ADAM33: variants seen among roughly 807,000 people sequenced by gnomAD.
The protein encoded by ADAM33 is ADAM metallopeptidase domain 33.
Under a neutral mutation model 106.2 loss-of-function variants are expected in ADAM33, and 103 were observed. The observed-to-expected ratio is 0.97, with a 90% confidence interval of 0.83 to 1.14. The LOEUF (loss-of-function observed/expected upper bound fraction) is 1.14, where lower values mean the gene tolerates loss of function less well. ADAM33 is among the 50% of genes most tolerant of loss of function. The pLI is 0.00. For synonymous variants in ADAM33, 483 were observed against 453.0 expected (o/e 1.07, Z -0.84); for missense variants, 1,120 against 1,096.6 (o/e 1.02, Z -0.30).
Position 3,672,791 on chromosome 20 carries a change from G to A in ADAM33, c.1241C>T (p.Pro414Leu), listed in dbSNP as rs750245649. ...GTTCCCGCAGAGCGCCGGCGGCACC[G>A]GGAGTCCGGGGTCCGGGGCATTGGA... ...CLSNAPDPGL[P>L]VPPALCGNGF... Residue 414 changes from proline (P) to leucine (L), a missense_variant, in exon 12 of 22, where the codon CCG (proline) becomes CTG (leucine). Pro to Leu is a moderately conservative substitution (Grantham distance 98). Transcript: ENST00000356518. 1.2e-5 allele frequency: 19 copies of A among 1,571,526 alleles called. No individual in the cohort carries two copies. Among genetic ancestry groups the A allele is most frequent in the Admixed American group, 1.8e-5 (1 of 55,730 alleles).
rs1321728445 is a variant in ADAM33, at chr20:3,672,741, A to T, written c.1291T>A (p.Cys431Ser). The T allele has an allele frequency of 2.6e-6, 4 of 1,565,054 alleles. No homozygotes were observed. The South Asian group carries it at 4.7e-5, about 18-fold the overall frequency. ...GNGFVEAGEE[C>S]DCGPGQECRD... Reference sequence around the variant, plus strand: ...TTAACCTGGCCAGGGCCGCAGTCACACTCCTCGCCCGCTTCCACGAAGCCG... The same window carrying T: ...TTAACCTGGCCAGGGCCGCAGTCACTCTCCTCGCCCGCTTCCACGAAGCCG... Residue 431 changes from cysteine (C) to serine (S), a missense_variant, in exon 12 of 22, where the codon TGT becomes AGT. Cys to Ser is a moderately radical substitution (Grantham distance 112, BLOSUM62 -1). Transcript: ENST00000356518.
At chr20:3,680,340 C>T (rs961323840) in intron 1 of ADAM33, among the ~76,000 whole-genome samples, 2 of 152,234 alleles carry the variant, frequency 1.3e-5, no homozygotes, top group South Asian at 4.1e-4. Context: ...AGCCCTCCTT[C>T]CCCCGGTACC....
chr20:3,673,817 G>A lies in ADAM33; in HGVS notation c.833C>T (p.Thr278Met), dbSNP rs1600222012. Residue 278 changes from threonine to methionine, a missense_variant, in exon 9 of 22, where the codon ACG becomes ATG. Thr to Met is a moderately conservative substitution (Grantham distance 81). Transcript: ENST00000356518. ...RSRVTQDANATLWAFLQWRRG... is the reference protein window; with the variant it reads ...RSRVTQDANAMLWAFLQWRRG... ...GCGCCACTGCAGGAAGGCCCAGAGC[G>A]TGGCGTTGGCGTCCTGCGTGACGCG... The A allele has an allele frequency of 1.9e-6, 3 of 1,550,810 alleles. No individual in the cohort carries two copies. The highest frequency in any genetic ancestry group is 3.9e-5 in the Admixed American group (2 of 51,762).
chr20:3,679,136 C>CTTTTTTTT (rs778392877), intron 2 of ADAM33, among the ~76,000 whole-genome samples: 3 of 78,252 alleles, frequency 3.8e-5, no homozygotes, highest in African/African-American at 4.9e-5. Context: ...CTTTTTGGTG[C>CTTTTTTTT]TTTTTTTTTT....
chr20:3,670,063 T>G, intron 19 of ADAM33: 5 of 290,326 alleles, frequency 1.7e-5, no homozygotes, highest in Non-Finnish European at 3.3e-5. Context: ...GGCCTTGTCA[T>G]TTCCTGTGAT....
intron 19 of ADAM33, chr20:3,669,987 C>T (rs904610264): frequency 5.1e-5 from 23 of 454,130 alleles, no homozygotes; most frequent in East Asian, 2.7e-4. Context: ...CTCTCCTTGC[C>T]CCTGGGTGCC....
At chr20:3,672,110 G>C in intron 14 of ADAM33, 24 bp downstream of exon 14, 3 of 1,604,584 alleles carry the variant, frequency 1.9e-6, no homozygotes, top group Admixed American at 3.4e-5. Context: ...GGGGCAGGGT[G>C]CAAGGGTGCT....
chr20:3,675,172 G>A lies in ADAM33; in HGVS notation c.255-67C>T. On this transcript the variant is annotated intron_variant, in intron 3 of 21. Transcript: ENST00000356518. This position sits in a 1 kb window ranked among gnomAD's most constrained non-coding sequence, Gnocchi z 4.1. ...CCTGCCTCCTCCAGGATGTCTCCCA[G>A]CCTTCCTCCCTAAATGCTAATGGAG... The A allele has an allele frequency of 1.6e-6, 2 of 1,255,602 alleles. No individual in the cohort carries two copies. Among genetic ancestry groups the A allele is most frequent in the South Asian group, 2.6e-5 (2 of 76,278 alleles). The allele number at this position is 1,255,602 out of a possible 1,614,324, so 77.8% of individuals were successfully genotyped here.
intron 2 of ADAM33, 86 bp downstream of exon 2, chr20:3,679,406 C>G: frequency 7.0e-7 from 1 of 1,433,258 alleles, no homozygotes; most frequent in East Asian, 2.5e-5. Flanking sequence ...GGGACCCCAG[C>G]AAAACTAGAA....
rs2087615854 is a variant in ADAM33, at chr20:3,672,578, C to A, written c.1360G>T (p.Gly454Trp). ...CAGTCCCCGTGGGCGCACTGGGCCC[C>A]CGGGCGCAGCGAGCAGTTGTGAGCA... ...CFAHNCSLRPGAQCAHGDCCV... is the reference protein window; with the variant it reads ...CFAHNCSLRPWAQCAHGDCCV... The change falls in exon 13 of 22, where the codon GGG becomes TGG. Residue 454 changes from glycine to tryptophan, a missense_variant. Coordinates refer to ENST00000356518, the MANE Select transcript of ADAM33 (RefSeq NM_025220.5). The A allele has an allele frequency of 6.2e-7, 1 of 1,613,468 alleles. No homozygotes were observed. Among genetic ancestry groups the A allele is most frequent in the South Asian group, 1.1e-5 (1 of 91,076 alleles).
chr20:3,674,457 G>T, intron 6 of ADAM33, 47 bp downstream of exon 6: 1 of 1,605,792 alleles, frequency 6.2e-7, no homozygotes, highest in South Asian at 1.1e-5. Flanking sequence ...TGATTTGGAG[G>T]GCTATAGATA....
At chr20:3,673,995 A>G in intron 8 of ADAM33, 69 bp downstream of exon 8, 2 of 1,609,296 alleles carry the variant, frequency 1.2e-6, no homozygotes, top group Non-Finnish European at 1.7e-6. Context: ...CTCTTCCCCA[A>G]ACCCCACCAG....
In ADAM33 at chr20:3,668,457, A is replaced by T; in HGVS notation, c.*506T>A. The T allele has an allele frequency of 5.8e-6, 1 of 172,592 alleles. No individual in the cohort carries two copies. Among genetic ancestry groups the T allele is most frequent in the South Asian group, 1.5e-4 (1 of 6,662 alleles). 10.7% of individuals were successfully genotyped at this position (172,592 alleles called of 1,614,324 possible). On this transcript the variant is annotated 3_prime_UTR_variant, in exon 22 of 22. Coordinates refer to ENST00000356518, the MANE Select transcript of ADAM33 (RefSeq NM_025220.5). Reference sequence around the variant, plus strand: ...CACCTAGGGGAGAAGACAGGGTGGGAAGAAACAGGAAGGAAGGTCCCCAAA... The same window carrying T: ...CACCTAGGGGAGAAGACAGGGTGGGTAGAAACAGGAAGGAAGGTCCCCAAA...
chr20:3,674,765 G>C lies in ADAM33; in HGVS notation c.410+8C>G. 3.1e-6 allele frequency: 5 copies of C among 1,604,224 alleles called. No homozygotes were observed. The highest frequency in any genetic ancestry group is 3.4e-6 in the Non-Finnish European group (4 of 1,175,022). ...ATCCCAGGCCCAGCCTCCTCTCCCA[G>C]AGCTCACCTCATCCCAGAGCAGGTG... On this transcript the variant is annotated splice_region_variant and intron_variant, in intron 5 of 21. Transcript: ENST00000356518.
Position 3,671,427 on chromosome 20 carries a change from T to C in ADAM33, c.1975A>G (p.Ser659Gly). ...ELQRCLTACHSHGVCNSNHNC... is the reference protein window; with the variant it reads ...ELQRCLTACHGHGVCNSNHNC... ...ACTCCTCGGGCTCTCACCCCGTGGC[T>C]GTGGCAGGCAGTCAGGCAGCGCTGA... The change falls in exon 17 of 22, where the codon AGC becomes GGC. Residue 659 changes from serine (S) to glycine (G), a missense_variant. Physicochemically the swap from Ser to Gly is moderately conservative, Grantham distance 56. Coordinates refer to ENST00000356518, the MANE Select transcript of ADAM33 (RefSeq NM_025220.5). 6.2e-7 allele frequency: 1 copy of C among 1,612,578 alleles called. No homozygotes were observed.
intron 11 of ADAM33, chr20:3,673,107 C>CCGA: frequency 6.9e-7 from 1 of 1,453,810 alleles, no homozygotes; most frequent in Non-Finnish European, 9.0e-7. Context: ...GAATCGCGAC[C>CCGA]CGACGGTGCT....
At chr20:3,676,900 T>C (rs1695471812) in intron 3 of ADAM33, among the ~76,000 whole-genome samples, 167 bp downstream of exon 3, 1 of 152,088 alleles carries the variant, frequency 6.6e-6, no homozygotes, top group African/African-American at 2.4e-5. Flanking sequence ...GCCTCAGCGG[T>C]CCTCTTCAGC....
At position 3,671,500 on chromosome 20, in the gene ADAM33, C is replaced by G; in HGVS notation, c.1906-4G>C. 6.2e-7 allele frequency: 1 copy of G among 1,610,684 alleles called. No homozygotes were observed. Among genetic ancestry groups the G allele is most frequent in the Non-Finnish European group, 8.5e-7 (1 of 1,178,056 alleles). The stretch of plus-strand genomic sequence containing the variant: ...TGCAGCGCCTGCTCTGGCACACCTA[C>G]GGGCAGTGCACCAGGCAGTGAGGGG... On this transcript the variant is annotated splice_polypyrimidine_tract_variant and splice_region_variant and intron_variant, in intron 16 of 21. Transcript: ENST00000356518.
intron 13 of ADAM33, 29 bp from the exon 14 acceptor site, chr20:3,672,358 CAG>C: frequency 1.2e-6 from 2 of 1,606,054 alleles, no homozygotes; most frequent in Non-Finnish European, 1.7e-6. Flanking sequence ...GTGGGGAAGG[CAG>C]AGAGAGGCCA....
Sources: allele counts gnomAD v4.1 joint callset (sites outside exome capture counted in the v4.1 genomes callset), GRCh38; gene constraint gnomAD v4.1.1; non-coding constraint Gnocchi (gnomAD v3.1); transcripts MANE v1.5; gene names NCBI Gene and HGNC (gene_info 2026-07-23, HGNC 2026-07-21).